The following VCPIP1 variants were observed in gnomAD, a reference collection of about 807,000 sequenced individuals.
VCPIP1 encodes the protein deubiquitinating protein VCPIP1.
In VCPIP1, 8 loss-of-function variants were observed where a neutral mutation model predicts 85.0. The observed-to-expected ratio is 0.09, with a 90% CI of 0.06 to 0.17. The LOEUF (loss-of-function observed/expected upper bound fraction) is 0.17. VCPIP1 is among the 10% of genes least tolerant of loss of function. The pLI, the probability that VCPIP1 is intolerant of heterozygous loss-of-function variation, is 1.00. For missense variants in VCPIP1, 1,070 were observed against 1,486.3 expected, an observed-to-expected ratio of 0.72 and a Z score of 4.61; for synonymous variants, 543 against 544.5, an observed-to-expected ratio of 1.00 and a Z score of 0.04.
intron 2 of VCPIP1, among the ~76,000 whole-genome samples, chr8:66,641,422 G>A (rs1810946755): frequency 6.6e-6 from 1 of 152,018 alleles, no homozygotes; most frequent in Admixed American, 6.6e-5. Flanking sequence ...CCAGGCTGCA[G>A]TGTGGTAGTG....
At chr8:66,658,696 C>T (rs994210619) in intron 1 of VCPIP1, among the ~76,000 whole-genome samples, 1 of 151,996 alleles carries the variant, frequency 6.6e-6, no homozygotes, top group Non-Finnish European at 1.5e-5. Flanking sequence ...ACCATCTTGG[C>T]CAGCCTGGTC....
chr8:66,663,934 G>T (rs1293699786), intron 1 of VCPIP1, among the ~76,000 whole-genome samples: 3 of 152,100 alleles, frequency 2.0e-5, no homozygotes, highest in Non-Finnish European at 4.4e-5. Context: ...GATCAATAGA[G>T]CCTACCAAAA....
chr8:66,666,831 C>A lies in VCPIP1; in HGVS notation c.128G>T (p.Arg43Ile), dbSNP rs1466789595. Residue 43 changes from arginine (R) to isoleucine (I), a missense_variant, in exon 1 of 3, where the codon AGA becomes ATA. Physicochemically the swap from Arg to Ile is moderately conservative, Grantham distance 97. Around this residue, in one of 8 missense-constraint regions of VCPIP1, gnomAD observed 164 missense variants for 158.6 expected, o/e 1.03. Transcript: ENST00000310421. This position sits in a 1 kb window ranked among gnomAD's most constrained non-coding sequence, Gnocchi z 6.3. ...SGGLLKRRDRRILSGSCPDPK... is the reference protein window; with the variant it reads ...SGGLLKRRDRIILSGSCPDPK... ...ATCCGGGCAGCTCCCGGAAAGGATT[C>A]TCCGGTCTCTCCGCTTCAAAAGCCC... 1 of 1,613,762 alleles carries A rather than the reference C, an allele frequency of 6.2e-7. No homozygotes were observed. Among genetic ancestry groups the A allele is most frequent in the Non-Finnish European group, 8.5e-7 (1 of 1,179,992 alleles).
Position 66,666,698 on chromosome 8 carries a change from C to G in VCPIP1, c.261G>C (p.Glu87Asp), listed in dbSNP as rs1586631981. The change falls in exon 1 of 3, where the codon GAG becomes GAC. Residue 87 changes from glutamate to aspartate, a missense_variant. Around this residue, in one of 8 missense-constraint regions of VCPIP1, gnomAD observed 164 missense variants for 158.6 expected, o/e 1.03. Coordinates refer to ENST00000310421, the MANE Select transcript of VCPIP1 (RefSeq NM_025054.5). The surrounding 1 kb of genome is among the most constrained non-coding windows in gnomAD (Gnocchi z 6.3). Reference sequence around the variant, plus strand: ...GTAGCACTACGTCCGGGTCGGTCACCTCCTCAACCCCCAGCAGCTGTTGCT... The same window carrying G: ...GTAGCACTACGTCCGGGTCGGTCACGTCCTCAACCCCCAGCAGCTGTTGCT... ...HEQQQLLGVEEVTDPDVVLHN... is the reference protein window; with the variant it reads ...HEQQQLLGVEDVTDPDVVLHN... The G allele has an allele frequency of 1.2e-6, 2 of 1,614,218 alleles. No homozygotes were observed. Among genetic ancestry groups the G allele is most frequent in the East Asian group, 2.2e-5 (1 of 44,882 alleles).
intron 2 of VCPIP1, among the ~76,000 whole-genome samples, chr8:66,636,742 TA>T (rs549430033): frequency 1.2e-3 from 169 of 142,066 alleles, no homozygotes; most frequent in South Asian, 2.4e-3. Flanking sequence ...AGACTCCATC[TA>T]AAAAAAAAAA....
chr8:66,649,423 G>C (rs968202834), intron 2 of VCPIP1, among the ~76,000 whole-genome samples: 2 of 152,000 alleles, frequency 1.3e-5, no homozygotes, highest in African/African-American at 4.8e-5. Context: ...GAGCTGGGAG[G>C]ATCACCTAAG....
intron 2 of VCPIP1, 142 bp from the exon 3 acceptor site, chr8:66,635,514 A>T: frequency 1.1e-6 from 1 of 944,008 alleles, no homozygotes; most frequent in Non-Finnish European, 1.5e-6. Context: ...ATTCAGATTT[A>T]TTGTATTACA....
intron 1 of VCPIP1, among the ~76,000 whole-genome samples, chr8:66,652,628 A>G (rs549565803): frequency 6.6e-6 from 1 of 151,806 alleles, no homozygotes; most frequent in Non-Finnish European, 1.5e-5. Flanking sequence ...AAAAAAAAAG[A>G]TATTTTTGAA....
Position 66,646,326 on chromosome 8 carries a change from G to A in VCPIP1, c.2797+5132C>T, listed in dbSNP as rs553318781. ...GACCTCAAGTGATCCGCTTGCCTCG[G>A]CCTCCCAAAGTGCTGGGATAACAGG... On this transcript the variant is annotated intron_variant, in intron 2 of 2. Transcript: ENST00000310421. Among the ~76,000 whole-genome samples the A allele has an allele frequency of 6.6e-5, 10 of 152,082 alleles. No individual in the cohort carries two copies. The East Asian group carries it at 9.7e-4, about 15-fold the overall frequency.
At chr8:66,636,836 C>T (rs561207276) in intron 2 of VCPIP1, among the ~76,000 whole-genome samples, 110 of 151,034 alleles carry the variant, frequency 7.3e-4, no homozygotes, top group African/African-American at 2.6e-3. Context: ...GACTGGGCAA[C>T]AGAGTGAGAC....
intron 1 of VCPIP1, among the ~76,000 whole-genome samples, chr8:66,655,656 GTT>G (rs1421209451): frequency 6.6e-6 from 1 of 151,732 alleles, no homozygotes; most frequent in Non-Finnish European, 1.5e-5. Context: ...CCTGAATCTT[GTT>G]TTCTCTTCAA....
At chr8:66,645,707 CCCAGGAGTTCAAGACTAG>C (rs1810988232) in intron 2 of VCPIP1, among the ~76,000 whole-genome samples, 1 of 147,806 alleles carries the variant, frequency 6.8e-6, no homozygotes, top group South Asian at 2.1e-4. Context: ...ATGGCTTGAG[CCCAGGAGTTCAAGACTAG>C]CCTGGGCAGC....
intron 2 of VCPIP1, among the ~76,000 whole-genome samples, chr8:66,644,202 C>CA (rs1396109820): frequency 6.6e-6 from 1 of 151,996 alleles, no homozygotes; most frequent in Non-Finnish European, 1.5e-5. Flanking sequence ...TAAAATCTAC[C>CA]AAAAAACAGA....
In VCPIP1 at chr8:66,666,653, C is replaced by A; in HGVS notation, c.306G>T (p.Ala102=). 6.2e-7 allele frequency: 1 copy of A among 1,614,212 alleles called. No individual in the cohort carries two copies. Among genetic ancestry groups the A allele is most frequent in the Non-Finnish European group, 8.5e-7 (1 of 1,180,048 alleles). Reference sequence around the variant, plus strand: ...TGGGTGCCCCCGTAACCCCGAGCAGCGCGTTCCGCAGCAGGTTGTGTAGCA... The same window carrying A: ...TGGGTGCCCCCGTAACCCCGAGCAGAGCGTTCCGCAGCAGGTTGTGTAGCA... ...DVVLHNLLRN[A]LLGVTGAPKK... is the part of the protein sequence containing the mutation. Residue 102 remains alanine, a synonymous_variant, in exon 1 of 3, where the codon GCG becomes GCT. Coordinates refer to ENST00000310421, the MANE Select transcript of VCPIP1 (RefSeq NM_025054.5). The surrounding 1 kb of genome is among the most constrained non-coding windows in gnomAD (Gnocchi z 6.3).
At position 66,628,886 on chromosome 8, in the gene VCPIP1, C is replaced by A. The variant is rs969993297; in HGVS notation, c.*5615G>T. The A allele has an allele frequency of 1.3e-5, 2 of 152,186 alleles. No individual in the cohort carries two copies. The highest frequency in any genetic ancestry group is 2.9e-5 in the Non-Finnish European group (2 of 68,034). The allele number at this position is 152,186 out of a possible 1,614,324, so 9.4% of individuals were successfully genotyped here. ...CACAAGGTTACAGAAGAAATTGAGGCCTTGAAAGGCTCCAAGACTTGCCTT... is the reference window on the plus strand; with the variant it reads ...CACAAGGTTACAGAAGAAATTGAGGACTTGAAAGGCTCCAAGACTTGCCTT... On this transcript the variant is annotated 3_prime_UTR_variant, in exon 3 of 3. Coordinates refer to ENST00000310421, the MANE Select transcript of VCPIP1 (RefSeq NM_025054.5).
intron 2 of VCPIP1, among the ~76,000 whole-genome samples, chr8:66,649,593 C>T (rs1229044854): frequency 6.6e-6 from 1 of 152,152 alleles, no homozygotes; most frequent in Non-Finnish European, 1.5e-5. Flanking sequence ...AGATGCCGGA[C>T]ACAAAAGGTC....
At chr8:66,642,736 A>G (rs2130155169) in intron 2 of VCPIP1, among the ~76,000 whole-genome samples, 1 of 152,322 alleles carries the variant, frequency 6.6e-6, no homozygotes, top group African/African-American at 2.4e-5. Flanking sequence ...TTAAAAAATA[A>G]TTTCAAACTA....
intron 1 of VCPIP1, 152 bp downstream of exon 1, chr8:66,664,097 A>T: frequency 9.7e-7 from 1 of 1,030,258 alleles, no homozygotes; most frequent in Non-Finnish European, 1.3e-6. Context: ...AACATCTATC[A>T]ACTGTTCAAA....
rs1256539761 is a variant in VCPIP1, at chr8:66,651,444, C to G, written c.2797+14G>C. ...TAGAGCTATTATTTAAGAATAAAAT[C>G]AAATTAACTATACCCATGGTTTTCT... On this transcript the variant is annotated intron_variant, in intron 2 of 2. Transcript: ENST00000310421. 6.3e-7 allele frequency: 1 copy of G among 1,580,092 alleles called. No individual in the cohort carries two copies. Among genetic ancestry groups the G allele is most frequent in the Non-Finnish European group, 8.6e-7 (1 of 1,162,490 alleles).
Sources: allele counts gnomAD v4.1 joint callset (sites outside exome capture counted in the v4.1 genomes callset), GRCh38; gene constraint gnomAD v4.1.1; regional missense constraint gnomAD v4.1.1; non-coding constraint Gnocchi (gnomAD v3.1); transcripts MANE v1.5; gene names NCBI Gene and HGNC (gene_info 2026-07-23, HGNC 2026-07-21).